Variants in TGM3 observed in about 807,000 individuals in gnomAD.
TGM3 encodes the protein protein-glutamine gamma-glutamyltransferase E.
Under a neutral mutation model 73.8 loss-of-function variants are expected in TGM3, and 52 were observed. That is an observed-to-expected ratio of 0.70 (90% CI 0.56 to 0.89). TGM3 has a LOEUF of 0.89. TGM3 is among the 40% of genes least tolerant of loss of function. TGM3 has a pLI of 0.00. For missense variants in TGM3, 928 were observed against 909.9 expected, an observed-to-expected ratio of 1.02 and a Z score of -0.26; for synonymous variants, 372 against 354.9, an observed-to-expected ratio of 1.05 and a Z score of -0.54.
At chr20:2,311,443 C>T (rs2122220422) in intron 4 of TGM3, among the ~76,000 whole-genome samples, 1 of 152,238 alleles carries the variant, frequency 6.6e-6, no homozygotes, top group African/African-American at 2.4e-5. Flanking sequence ...AAATATAAGG[C>T]CCCCAAGAGA....
chr20:2,305,503 C>A (rs45547037), intron 1 of TGM3, among the ~76,000 whole-genome samples: 345 of 152,340 alleles, frequency 2.3e-3, no homozygotes, highest in African/African-American at 7.6e-3. Flanking sequence ...TCTCTCTGAG[C>A]CTTTGTTCCT....
At chr20:2,325,273 G>A (rs1366750330) in intron 7 of TGM3, among the ~76,000 whole-genome samples, 1 of 152,192 alleles carries the variant, frequency 6.6e-6, no homozygotes, top group Admixed American at 6.5e-5. Flanking sequence ...GGTGAGGGGT[G>A]AGTGGTGACT....
In TGM3 at chr20:2,312,918, C is replaced by A; in HGVS notation, c.561C>A (p.Ser187Arg). The part of the protein sequence containing the change: ...NFGQFEEDIL[S>R]ICLSILDRSL... ...AACAGTTTGAAGAAGACATTCTCAGCATCTGCCTCTCAATCTTGGATAGGA... is the reference window on the plus strand; with the variant it reads ...AACAGTTTGAAGAAGACATTCTCAGAATCTGCCTCTCAATCTTGGATAGGA... The change falls in exon 5 of 13, where the codon AGC (serine) becomes AGA (arginine). Residue 187 changes from serine (S) to arginine (R), a missense_variant. Physicochemically the swap from Ser to Arg is moderately radical, Grantham distance 110 (BLOSUM62 -1). Transcript: ENST00000381458. 3 of 1,614,190 alleles carry A rather than the reference C, an allele frequency of 1.9e-6. No individual in the cohort carries two copies. The South Asian group carries it at 3.3e-5, about 18-fold the overall frequency.
At chr20:2,298,361 A>G (rs562202855) in intron 1 of TGM3, among the ~76,000 whole-genome samples, 74 of 152,280 alleles carry the variant, frequency 4.9e-4, no homozygotes, top group African/African-American at 1.7e-3. Context: ...GGAGGGCCCC[A>G]GTGTGGAGGG....
At chr20:2,302,579 C>T (rs2084154297) in intron 1 of TGM3, among the ~76,000 whole-genome samples, 1 of 152,072 alleles carries the variant, frequency 6.6e-6, no homozygotes, top group African/African-American at 2.4e-5. Context: ...CGCTAGGGTA[C>T]GTATGGCCCT....
intron 11 of TGM3, among the ~76,000 whole-genome samples, chr20:2,338,778 T>G (rs578040300): frequency 6.6e-6 from 1 of 152,180 alleles, no homozygotes; most frequent in East Asian, 1.9e-4. Flanking sequence ...CCAATAGCCA[T>G]AAAATGTCCA....
intron 3 of TGM3, 54 bp downstream of exon 3, chr20:2,310,471 A>T: frequency 1.3e-6 from 2 of 1,593,678 alleles, no homozygotes; most frequent in Admixed American, 1.7e-5. Context: ...GAAAAGAAAA[A>T]GGGGATGGGG....
intron 5 of TGM3, among the ~76,000 whole-genome samples, chr20:2,315,269 C>T (rs1042255930): frequency 1.3e-5 from 2 of 152,246 alleles, no homozygotes; most frequent in Non-Finnish European, 1.5e-5. Flanking sequence ...GACCTCCCAG[C>T]TGGGCTGGGC....
chr20:2,340,027 A>AGGGGGGGGGGGGGG, intron 12 of TGM3, 40 bp downstream of exon 12: 1 of 133,146 alleles, frequency 7.5e-6, no homozygotes. Context: ...GGAGGGCGGG[A>AGGGGGGGGGGGGGG]GGGGGCGGGG....
chr20:2,310,575 G>A (rs1260172148), intron 3 of TGM3, among the ~76,000 whole-genome samples, 158 bp downstream of exon 3: 6 of 152,328 alleles, frequency 3.9e-5, no homozygotes, highest in Non-Finnish European at 7.3e-5. Flanking sequence ...TGACACTTAA[G>A]CAGCTGTCTG....
chr20:2,334,854 G>A lies in TGM3; in HGVS notation c.1643-262G>A, dbSNP rs1371458813. Among the ~76,000 whole-genome samples the A allele has an allele frequency of 6.6e-6, 1 of 152,208 alleles. No individual in the cohort carries two copies. The highest frequency in any genetic ancestry group is 1.5e-5 in the Non-Finnish European group (1 of 68,034). Reference sequence around the variant, plus strand: ...TTTTCGGAGTCGGGAGGAAGCAGCGGTATCTTTAGCCCCTGTGAGCCCATC... The same window carrying A: ...TTTTCGGAGTCGGGAGGAAGCAGCGATATCTTTAGCCCCTGTGAGCCCATC... On this transcript the variant is annotated intron_variant, in intron 10 of 12. Transcript: ENST00000381458. This position sits in a 1 kb window ranked among gnomAD's most constrained non-coding sequence, Gnocchi z 4.0.
At chr20:2,340,377 G>C in intron 12 of TGM3, 57 bp from the exon 13 acceptor site, 1 of 1,603,958 alleles carries the variant, frequency 6.2e-7, no homozygotes, top group Non-Finnish European at 8.5e-7. Flanking sequence ...CAGGAGGCCC[G>C]TCCAGCCCAA....
Position 2,296,017 on chromosome 20 carries a change from C to G in TGM3, c.-47C>G, listed in dbSNP as rs115896762. On this transcript the variant is annotated 5_prime_UTR_variant, in exon 1 of 13. Transcript: ENST00000381458. ...TGGCAGCCTGTCTGTCAGCACTGTC[C>G]GTGCCATTCCCAGAGGAGCCTGAGA... 14 of 1,550,674 alleles carry G rather than the reference C, an allele frequency of 9.0e-6. No individual in the cohort carries two copies. In the South Asian group the frequency reaches 1.4e-4, roughly 16 times the overall value.
chr20:2,335,049 G>C, intron 10 of TGM3, 67 bp from the exon 11 acceptor site: 1 of 1,590,686 alleles, frequency 6.3e-7, no homozygotes, highest in Non-Finnish European at 8.6e-7. Context: ...CTTGGCATCT[G>C]TTCTGAGGAA....
rs1267013494 is a variant in TGM3 at position 2,325,932 on chromosome 20, C to T, written c.1067C>T (p.Thr356Ile). The change falls in exon 8 of 13, where the codon ACC becomes ATC. Residue 356 changes from threonine to isoleucine, a missense_variant. Thr to Ile is a moderately conservative substitution (Grantham distance 89). Coordinates refer to ENST00000381458, the MANE Select transcript of TGM3 (RefSeq NM_003245.4). ...SYGGWQVLDATPQERSQGVFQ... is the reference protein window; with the variant it reads ...SYGGWQVLDAIPQERSQGVFQ... ...GGTGGATGGCAGGTGTTGGATGCTA[C>T]CCCGCAGGAAAGAAGCCAAGGTAAC... 10 of 1,594,490 alleles carry T rather than the reference C, an allele frequency of 6.3e-6. No individual in the cohort carries two copies. Among genetic ancestry groups the T allele is most frequent in the Admixed American group, 1.7e-5 (1 of 57,688 alleles).
chr20:2,340,937 C>G lies in TGM3; in HGVS notation c.*356C>G, dbSNP rs1167974444. 2.1e-6 allele frequency: 1 copy of G among 478,648 alleles called. No homozygotes were observed. Among genetic ancestry groups the G allele is most frequent in the East Asian group, 6.4e-5 (1 of 15,632 alleles). The allele number at this position is 478,648 out of a possible 1,614,324, so 29.7% of individuals were successfully genotyped here. A position where few individuals can be genotyped will look rare whatever the true frequency, so the allele number is the denominator to read the frequency against. ...AACGGGATACAGGAGAGAAGCTGGT[C>G]TAGACTGTTTGCTGATCCCCAACCT... On this transcript the variant is annotated 3_prime_UTR_variant, in exon 13 of 13. Transcript: ENST00000381458.
Position 2,328,890 on chromosome 20 carries a change from G to C in TGM3, c.1333+525G>C, listed in dbSNP as rs1205633999. ...GTGATTACATGGTGTGAATGCCTGA[G>C]CTCCTGAAATCTCAGGCATGCTACA... On this transcript the variant is annotated intron_variant, in intron 9 of 12. Coordinates refer to ENST00000381458, the MANE Select transcript of TGM3 (RefSeq NM_003245.4). The surrounding 1 kb of genome is among the most constrained non-coding windows in gnomAD (Gnocchi z 5.2). Among the ~76,000 whole-genome samples the C allele has an allele frequency of 6.6e-6, 1 of 152,208 alleles. No individual in the cohort carries two copies. Among genetic ancestry groups the C allele is most frequent in the Non-Finnish European group, 1.5e-5 (1 of 68,046 alleles).
chr20:2,310,948 G>A, intron 3 of TGM3, 63 bp from the exon 4 acceptor site: 1 of 1,464,256 alleles, frequency 6.8e-7, no homozygotes, highest in Non-Finnish European at 9.6e-7. Flanking sequence ...GAGGAGAGGA[G>A]GAACGATCCC....
intron 10 of TGM3, among the ~76,000 whole-genome samples, chr20:2,333,951 A>C (rs2084334049): frequency 6.6e-6 from 1 of 152,110 alleles, no homozygotes; most frequent in African/African-American, 2.4e-5. Flanking sequence ...GGGATGGCAA[A>C]TTCCTTCAGT....
Sources: gnomAD v4.1 joint callset for allele counts (sites outside exome capture counted in the v4.1 genomes callset) on GRCh38, gnomAD v4.1.1 for gene constraint, Gnocchi (gnomAD v3.1) non-coding constraint, MANE v1.5 for transcripts, NCBI Gene and HGNC (gene_info 2026-07-23, HGNC 2026-07-21) for gene names.